MYLK: variants seen among roughly 807,000 people sequenced by gnomAD.
MYLK encodes the protein myosin light chain kinase.
Under a neutral mutation model 203.4 loss-of-function variants are expected in MYLK, and 106 were observed. The observed-to-expected ratio is 0.52, with a 90% CI of 0.45 to 0.61. The LOEUF is 0.61. MYLK is among the 20% of genes least tolerant of loss of function. The pLI, the probability that MYLK is intolerant of heterozygous loss-of-function variation, is 0.00. For synonymous variants in MYLK, 867 were observed against 959.5 expected (o/e 0.90, Z 1.78); for missense variants, 2,072 against 2,442.3 (o/e 0.85, Z 3.20).
intron 3 of MYLK, among the ~76,000 whole-genome samples, chr3:123,818,692 A>G (rs1477331436): frequency 1.3e-5 from 2 of 152,154 alleles, no homozygotes; most frequent in African/African-American, 4.8e-5. Context: ...CCTCTCTCAA[A>G]AACAAAAACA....
At chr3:123,882,813 T>C (rs978511824) in intron 1 of MYLK, among the ~76,000 whole-genome samples, 8 of 152,170 alleles carry the variant, frequency 5.3e-5, no homozygotes, top group African/African-American at 1.7e-4. Flanking sequence ...GGAAGGAAAA[T>C]TCCATGCTGC....
intron 5 of MYLK, among the ~76,000 whole-genome samples, chr3:123,742,205 A>C (rs758715351): frequency 3.3e-5 from 5 of 152,156 alleles, no homozygotes; most frequent in Non-Finnish European, 7.3e-5. Flanking sequence ...CTATATGCTA[A>C]AGACCCAACC....
At chr3:123,828,186 C>A (rs972430817) in intron 3 of MYLK, among the ~76,000 whole-genome samples, 6 of 152,072 alleles carry the variant, frequency 3.9e-5, no homozygotes, top group Admixed American at 1.3e-4. Flanking sequence ...GGGGGTATCA[C>A]ACTACTAGAC....
chr3:123,735,798 A>G (rs1185710772), intron 8 of MYLK: 1 of 191,852 alleles, frequency 5.2e-6, no homozygotes. Context: ...TTCTTCAAAG[A>G]AAAAACATAA....
At chr3:123,851,232 T>C (rs1430628214) in intron 2 of MYLK, among the ~76,000 whole-genome samples, 3 of 152,214 alleles carry the variant, frequency 2.0e-5, no homozygotes, top group Non-Finnish European at 4.4e-5. Flanking sequence ...ATGTGGGCTC[T>C]TTTTTGGTTC....
Position 123,700,870 on chromosome 3 carries a change from G to A in MYLK, c.2598C>T (p.Gly866=), listed in dbSNP as rs144654396. 9.1e-5 allele frequency: 146 copies of A among 1,613,184 alleles called. 1 individual carries two copies. The highest frequency in any genetic ancestry group is 1.1e-4 in the Non-Finnish European group (133 of 1,180,016). The change falls in exon 18 of 34, where the codon GGC becomes GGT. Residue 866 remains glycine (G), a synonymous_variant. Coordinates refer to ENST00000360304, the MANE Select transcript of MYLK (RefSeq NM_053025.4). ...TCTTCAGCACCCCTCGCACGTCCTCGCCGTCTTCCTCCTCTAGCCAACCCT... is the reference window on the plus strand; with the variant it reads ...TCTTCAGCACCCCTCGCACGTCCTCACCGTCTTCCTCCTCTAGCCAACCCT... ...RGQGWLEEED[G]EDVRGVLKRR... is the part of the protein sequence containing the mutation.
At chr3:123,732,800 G>T in intron 11 of MYLK, 96 bp downstream of exon 11, 1 of 1,223,774 alleles carries the variant, frequency 8.2e-7, no homozygotes, top group Non-Finnish European at 1.2e-6. Flanking sequence ...CACCAAGGCA[G>T]GGGGCTATAG....
At chr3:123,808,502 C>G (rs1001011580) in intron 3 of MYLK, among the ~76,000 whole-genome samples, 2 of 152,186 alleles carry the variant, frequency 1.3e-5, no homozygotes, top group African/African-American at 4.8e-5. Flanking sequence ...AGGATACCAA[C>G]TGTAAGTAGA....
chr3:123,697,450 A>T (rs1295204007), intron 18 of MYLK, among the ~76,000 whole-genome samples: 1 of 152,224 alleles, frequency 6.6e-6, no homozygotes, highest in Non-Finnish European at 1.5e-5. Context: ...GTAAATAGTC[A>T]TTAGTGTTTT....
At chr3:123,710,021 T>C in intron 13 of MYLK, 128 bp from the exon 14 acceptor site, 2 of 1,244,576 alleles carry the variant, frequency 1.6e-6, no homozygotes, top group Non-Finnish European at 1.2e-6. Flanking sequence ...AGCTAACAGA[T>C]AAAGAGTGTT....
chr3:123,671,185 T>C (rs997889583), intron 20 of MYLK, among the ~76,000 whole-genome samples: 1 of 152,256 alleles, frequency 6.6e-6, no homozygotes, highest in African/African-American at 2.4e-5. Flanking sequence ...GAAAGTCATA[T>C]TGAAGGAATA....
chr3:123,849,378 T>C (rs1013071259), intron 2 of MYLK, among the ~76,000 whole-genome samples: 1 of 152,242 alleles, frequency 6.6e-6, no homozygotes, highest in Non-Finnish European at 1.5e-5. Context: ...TCAGTTGTGC[T>C]GGTCCAGATC....
At chr3:123,704,614 C>T (rs1436775711) in intron 16 of MYLK, among the ~76,000 whole-genome samples, 1 of 151,952 alleles carries the variant, frequency 6.6e-6, no homozygotes, top group Non-Finnish European at 1.5e-5. Context: ...CTTTAAAGAA[C>T]TAATTTCGGC....
intron 13 of MYLK, among the ~76,000 whole-genome samples, chr3:123,711,255 C>T (rs2061680871): frequency 6.6e-6 from 1 of 152,070 alleles, no homozygotes. Context: ...CATTTGGGGA[C>T]AATGAGAATT....
At chr3:123,649,540 T>C (rs1476710044) in intron 24 of MYLK, among the ~76,000 whole-genome samples, 1 of 152,208 alleles carries the variant, frequency 6.6e-6, no homozygotes, top group African/African-American at 2.4e-5. Context: ...TGACAGTCTC[T>C]TTCTGCCCTG....
chr3:123,762,069 C>T (rs2063553576), intron 4 of MYLK, among the ~76,000 whole-genome samples: 1 of 152,092 alleles, frequency 6.6e-6, no homozygotes, highest in African/African-American at 2.4e-5. Flanking sequence ...ACACCCGTAC[C>T]TGGTTAAAAT....
intron 2 of MYLK, among the ~76,000 whole-genome samples, chr3:123,838,520 T>C (rs2066522402): frequency 6.6e-6 from 1 of 152,146 alleles, no homozygotes; most frequent in Non-Finnish European, 1.5e-5. Flanking sequence ...TTTTAAAATG[T>C]TTAATTGCTC....
At position 123,700,976 on chromosome 3, in the gene MYLK, A is replaced by G; in HGVS notation, c.2492T>C (p.Leu831Pro). The G allele has an allele frequency of 6.2e-7, 1 of 1,607,596 alleles. No individual in the cohort carries two copies. The highest frequency in any genetic ancestry group is 8.5e-7 in the Non-Finnish European group (1 of 1,179,968). Residue 831 changes from leucine to proline, a missense_variant, in exon 18 of 34, where the codon CTC (leucine) becomes CCC (proline). Leu to Pro is a moderately conservative substitution (Grantham distance 98). Transcript: ENST00000360304. ...RGREPASCED[L>P]CGGGVGADGG... is the part of the protein sequence containing the mutation. The stretch of plus-strand genomic sequence containing the variant: ...ATCAGCACCAACTCCTCCACCACAG[A>G]GGTCCTCGCAGCTGGCAGGCTCCCT...
At chr3:123,672,020 T>C (rs369183737) in intron 20 of MYLK, among the ~76,000 whole-genome samples, 15 of 152,050 alleles carry the variant, frequency 9.9e-5, no homozygotes, top group African/African-American at 3.6e-4. Context: ...TGTCATGGGC[T>C]GAACTGTGTC....
Sources: gnomAD v4.1 joint callset for allele counts (sites outside exome capture counted in the v4.1 genomes callset) on GRCh38, gnomAD v4.1.1 for gene constraint, MANE v1.5 for transcripts, NCBI Gene and HGNC (gene_info 2026-07-23, HGNC 2026-07-21) for gene names.